Variants in CSMD1 observed in about 807,000 individuals in gnomAD.
The protein encoded by CSMD1 is CUB and sushi domain-containing protein 1.
CSMD1 carries 213 observed loss-of-function variants against 417.5 expected under a neutral mutation model. The ratio of observed to expected loss-of-function variants is 0.51; its 90% CI spans 0.46 to 0.57. The LOEUF is 0.57. CSMD1 is among the 20% of genes least tolerant of loss of function. CSMD1 has a pLI of 0.00. For synonymous variants in CSMD1, 2,862 were observed against 1,736.8 expected, an observed-to-expected ratio of 1.65 and a Z score of -16.11; for missense variants, 6,923 against 4,529.7, an observed-to-expected ratio of 1.53 and a Z score of -15.17.
At position 3,083,610 on chromosome 8, in the gene CSMD1, T is replaced by TTTATATA. The variant is rs1563320333; in HGVS notation, c.7474+3486_7474+3487insTATATAA. Among the ~76,000 whole-genome samples the TTTATATA allele has an allele frequency of 7.8e-4, 24 of 30,924 alleles. 1 individual carries two copies. The highest frequency in any genetic ancestry group is 2.8e-3 in the African/African-American group (20 of 7,222). The allele number at this position is 30,924 out of a possible 152,430, so 20.3% of individuals were successfully genotyped here. On this transcript the variant is annotated intron_variant, in intron 49 of 69. Coordinates refer to ENST00000635120, the MANE Select transcript of CSMD1 (RefSeq NM_033225.6). ...TCCACGGTGACAGTTACCATAATTT[T>TTTATATA]TATATATATATATATATATATATAT...
chr8:2,997,747 T>A lies in CSMD1; in HGVS notation c.8377+264A>T, dbSNP rs78490783. 4.7e-3 allele frequency among the ~76,000 whole-genome samples: 720 copies of A among 152,176 alleles called. 5 individuals carry two copies. The highest frequency in any genetic ancestry group is 6.9e-3 in the Non-Finnish European group (470 of 67,998). On this transcript the variant is annotated intron_variant, in intron 54 of 69. Transcript: ENST00000635120. ...GGGTAGAAATAAATGTGTAAATACA[T>A]GAATAAAAAGAGAAATAGAAGATGA...
chr8:3,844,754 G>C (rs562703362), intron 5 of CSMD1, among the ~76,000 whole-genome samples: 1 of 152,244 alleles, frequency 6.6e-6, no homozygotes, highest in South Asian at 2.1e-4. Context: ...GAGGTCATGT[G>C]ACCTCAGAAC....
chr8:4,853,888 TG>T (rs1801633293), intron 1 of CSMD1, among the ~76,000 whole-genome samples: 1 of 152,176 alleles, frequency 6.6e-6, no homozygotes, highest in South Asian at 2.1e-4. Flanking sequence ...GAGATAATTT[TG>T]GGGATTTAAG....
chr8:3,320,011 G>A (rs745314473), intron 23 of CSMD1, among the ~76,000 whole-genome samples: 6 of 152,062 alleles, frequency 3.9e-5, no homozygotes, highest in Admixed American at 6.6e-5. Flanking sequence ...AATAGACCGG[G>A]CCCCAACTTC....
chr8:4,193,498 G>C lies in CSMD1; in HGVS notation c.416-161399C>G, dbSNP rs1353748775. On this transcript the variant is annotated intron_variant, in intron 3 of 69. Transcript: ENST00000635120. ...ATGGACATTAGGGAAGGTGACGATG[G>C]CTTCAGTCTTGCTGATATTACCCAA... 5.3e-5 allele frequency among the ~76,000 whole-genome samples: 8 copies of C among 152,176 alleles called. No individual in the cohort carries two copies. The South Asian group carries it at 1.7e-3, about 32-fold the overall frequency.
intron 1 of CSMD1, among the ~76,000 whole-genome samples, chr8:4,743,148 A>G (rs1810732546): frequency 6.6e-6 from 1 of 152,240 alleles, no homozygotes; most frequent in South Asian, 2.1e-4. Context: ...AACTTTTAAC[A>G]GAGGAGATCA....
At chr8:3,968,004 TA>T (rs11330461) in intron 5 of CSMD1, among the ~76,000 whole-genome samples, 49,822 of 98,800 alleles carry the variant, frequency 0.5, 11,693 homozygotes, top group East Asian at 0.77. Flanking sequence ...CGTCACTGCT[TA>T]AAAAAAAAAA....
At chr8:4,092,809 A>T (rs909736597) in intron 3 of CSMD1, among the ~76,000 whole-genome samples, 1 of 152,124 alleles carries the variant, frequency 6.6e-6, no homozygotes, top group Non-Finnish European at 1.5e-5. Flanking sequence ...TAATAGACCA[A>T]TATTTTTAAT....
chr8:4,614,624 C>G (rs915813458), intron 2 of CSMD1, among the ~76,000 whole-genome samples: 3 of 152,086 alleles, frequency 2.0e-5, no homozygotes, highest in Non-Finnish European at 4.4e-5. Flanking sequence ...ACCACACACA[C>G]ACGTACACGT....
At chr8:3,096,398 G>C (rs1300356479) in intron 47 of CSMD1, among the ~76,000 whole-genome samples, 1 of 152,248 alleles carries the variant, frequency 6.6e-6, no homozygotes, top group South Asian at 2.1e-4. Flanking sequence ...AGTCCCACAA[G>C]ATCTGATGGT....
intron 2 of CSMD1, among the ~76,000 whole-genome samples, chr8:4,584,604 G>C (rs927842907): frequency 3.9e-5 from 6 of 152,102 alleles, no homozygotes; most frequent in East Asian, 1.9e-4. Context: ...GGTCTACAGA[G>C]AGGAAAGCCA....
At chr8:4,776,373 C>T (rs987783252) in intron 1 of CSMD1, among the ~76,000 whole-genome samples, 2 of 152,106 alleles carry the variant, frequency 1.3e-5, no homozygotes, top group African/African-American at 4.8e-5. Flanking sequence ...AGTGCTACTA[C>T]TATATCTACT....
intron 2 of CSMD1, among the ~76,000 whole-genome samples, chr8:4,633,986 G>T (rs1802688881): frequency 7.2e-6 from 1 of 138,874 alleles, no homozygotes; most frequent in Admixed American, 7.0e-5. Flanking sequence ...GCAACCACCT[G>T]ACAGGTCATT....
intron 2 of CSMD1, among the ~76,000 whole-genome samples, chr8:4,631,727 T>A (rs905105670): frequency 6.6e-6 from 1 of 152,204 alleles, no homozygotes; most frequent in Admixed American, 6.5e-5. Context: ...CACTTATTCA[T>A]GATTTTCTGA....
intron 10 of CSMD1, among the ~76,000 whole-genome samples, chr8:3,556,646 A>G (rs1173456809): frequency 2.6e-5 from 4 of 151,306 alleles, no homozygotes; most frequent in Non-Finnish European, 5.9e-5. Context: ...TGCCTGTGCC[A>G]CCTGTTAACG....
chr8:4,277,860 G>A (rs1055465936), intron 3 of CSMD1, among the ~76,000 whole-genome samples: 1 of 152,000 alleles, frequency 6.6e-6, no homozygotes, highest in African/African-American at 2.4e-5. Context: ...CCATTCTCCT[G>A]CCTCAGCCTC....
chr8:3,823,364 C>T (rs919070612), intron 5 of CSMD1, among the ~76,000 whole-genome samples: 2 of 152,106 alleles, frequency 1.3e-5, no homozygotes, highest in Non-Finnish European at 2.9e-5. Flanking sequence ...ATCCCGGTTG[C>T]ATTATTTAAA....
intron 21 of CSMD1, 95 bp from the exon 22 acceptor site, chr8:3,348,256 C>T (rs1042063501): frequency 1.2e-6 from 1 of 856,484 alleles, no homozygotes; most frequent in East Asian, 2.7e-5. Flanking sequence ...GCCTCCTCTT[C>T]TATCAACGTA....
chr8:4,443,419 C>G (rs1175991367), intron 2 of CSMD1, among the ~76,000 whole-genome samples: 1 of 151,960 alleles, frequency 6.6e-6, no homozygotes, highest in Non-Finnish European at 1.5e-5. Context: ...TTGCAACAAT[C>G]TTTATTCATT....
Sources: allele counts gnomAD v4.1 joint callset (sites outside exome capture counted in the v4.1 genomes callset), GRCh38; gene constraint gnomAD v4.1.1; transcripts MANE v1.5; gene names NCBI Gene and HGNC (gene_info 2026-07-23, HGNC 2026-07-21).